Variants in RNASET2 observed in about 807,000 individuals in gnomAD.
RNASET2 encodes ribonuclease T2, also known as ribonuclease 6.
RNASET2 carries 28 observed loss-of-function variants against 33.9 expected under a neutral mutation model. That is an observed-to-expected ratio of 0.83 (90% confidence interval 0.61 to 1.13). The LOEUF is 1.13. Among genes scored for constraint, RNASET2 ranks in the 50% most tolerant of loss-of-function variants. The pLI is 0.00. For missense variants in RNASET2, 330 were observed against 319.9 expected, an observed-to-expected ratio of 1.03 and a Z score of -0.24; for synonymous variants, 123 against 121.0, an observed-to-expected ratio of 1.02 and a Z score of -0.11.
Position 166,929,881 on chromosome 6 carries a change from G to A in RNASET2, c.568-90C>T, listed in dbSNP as rs1044471492. 8 of 1,293,024 alleles carry A rather than the reference G, an allele frequency of 6.2e-6. No individual in the cohort carries two copies. In the African/African-American group the frequency reaches 1.2e-4, roughly 19 times the overall value. 80.1% of individuals were successfully genotyped at this position (1,293,024 alleles called of 1,614,324 possible). ...TCATGAACTTTTAGAACTTTTAGAAGATAACAAAAGCAGAGGCTCCACACC... is the reference window on the plus strand; with the variant it reads ...TCATGAACTTTTAGAACTTTTAGAAAATAACAAAAGCAGAGGCTCCACACC... On this transcript the variant is annotated intron_variant, in intron 8 of 8. Coordinates refer to ENST00000508775, the MANE Select transcript of RNASET2 (RefSeq NM_003730.6).
chr6:166,955,175 C>CCACCCACACA (rs1779077565), intron 1 of RNASET2, among the ~76,000 whole-genome samples: 1 of 131,028 alleles, frequency 7.6e-6, no homozygotes, highest in African/African-American at 3.2e-5. Flanking sequence ...TGGGCGGCTG[C>CCACCCACACA]CACACACACA....
intron 6 of RNASET2, chr6:166,934,741 A>G: frequency 6.5e-6 from 1 of 153,968 alleles, no homozygotes; most frequent in South Asian, 2.0e-4. Context: ...TATACCACAA[A>G]GCATATGTGT....
At chr6:166,951,009 C>T (rs144024559) in intron 2 of RNASET2, among the ~76,000 whole-genome samples, 43 of 152,216 alleles carry the variant, frequency 2.8e-4, no homozygotes, top group African/African-American at 8.9e-4. Flanking sequence ...CACCAAGACG[C>T]GGAGACCAGT....
chr6:166,929,612 G>C lies in RNASET2; in HGVS notation c.747C>G (p.Pro249=). 6.2e-7 allele frequency: 1 copy of C among 1,614,096 alleles called. No individual in the cohort carries two copies. The highest frequency in any genetic ancestry group is 1.3e-5 in the African/African-American group (1 of 74,996). Residue 249 remains proline, a synonymous_variant, in exon 9 of 9, where the codon CCC becomes CCG. Coordinates refer to ENST00000508775, the MANE Select transcript of RNASET2 (RefSeq NM_003730.6). ...ATCAATGCTTGGTCTTTTTAGGTGGGGGATAGAAGACTGGGCCATCTTCAC... is the reference window on the plus strand; with the variant it reads ...ATCAATGCTTGGTCTTTTTAGGTGGCGGATAGAAGACTGGGCCATCTTCAC... ...RVCEDGPVFY[P]PPKKTKH is the part of the protein sequence containing the mutation.
intron 2 of RNASET2, among the ~76,000 whole-genome samples, chr6:166,949,846 C>T (rs1168799901): frequency 6.6e-6 from 1 of 152,194 alleles, no homozygotes; most frequent in African/African-American, 2.4e-5. Context: ...GAGCCCAGAA[C>T]ACTGAGAACC....
intron 5 of RNASET2, 89 bp downstream of exon 5, chr6:166,942,930 C>T (rs1583225151): frequency 2.9e-6 from 3 of 1,034,198 alleles, no homozygotes; most frequent in Non-Finnish European, 4.5e-6. Flanking sequence ...TATCTTGCTT[C>T]CCACACAGTT....
At chr6:166,943,390 T>C in intron 4 of RNASET2, 1 of 363,870 alleles carries the variant, frequency 2.7e-6, no homozygotes, top group South Asian at 2.2e-5. Flanking sequence ...CGTCGAGTCA[T>C]GAAAAGACAC....
At chr6:166,938,575 T>A (rs888314640) in intron 6 of RNASET2, 1 of 609,756 alleles carries the variant, frequency 1.6e-6, no homozygotes, top group Non-Finnish European at 3.2e-6. Context: ...CTATCCTTTA[T>A]CAGGAATCAT....
At chr6:166,945,596 C>T (rs777730096) in intron 4 of RNASET2, among the ~76,000 whole-genome samples, 9 of 151,952 alleles carry the variant, frequency 5.9e-5, no homozygotes, top group Non-Finnish European at 7.4e-5. Flanking sequence ...TTTGGGAGGC[C>T]GAGGCAGGTG....
rs1778286134 is a variant in RNASET2 at position 166,925,175 on chromosome 6, AGCCCTCACTCCTGCCG to A, written c.*4397_*4412del. 6.6e-6 allele frequency among the ~76,000 whole-genome samples: 1 copy of A among 151,328 alleles called. No individual in the cohort carries two copies. Among genetic ancestry groups the A allele is most frequent in the African/African-American group, 2.4e-5 (1 of 40,944 alleles). ...CATCCAGCCCTCACTCCTGCCGCCC[AGCCCTCACTCCTGCCG>A]CCCAGCCCTCACCTCTGCTGTCCAG... On this transcript the variant is annotated 3_prime_UTR_variant, in exon 9 of 9. Transcript: ENST00000508775.
intron 5 of RNASET2, among the ~76,000 whole-genome samples, chr6:166,942,386 C>A (rs540912345): frequency 6.6e-6 from 1 of 152,202 alleles, no homozygotes; most frequent in Non-Finnish European, 1.5e-5. Flanking sequence ...GACAGGAGCA[C>A]AATTTCCTTA....
Position 166,933,818 on chromosome 6 carries a change from T to A in RNASET2, c.492+273A>T. ...GAATGTGACTCTTGAAACTGCAGAT[T>A]CCACCTGCTCTGCCGGACCCTGGAG... On this transcript the variant is annotated intron_variant, in intron 7 of 8. Coordinates refer to ENST00000508775, the MANE Select transcript of RNASET2 (RefSeq NM_003730.6). This position sits in a 1 kb window ranked among gnomAD's most constrained non-coding sequence, Gnocchi z 4.1. The A allele has an allele frequency of 1.9e-6, 1 of 528,014 alleles. No homozygotes were observed. The highest frequency in any genetic ancestry group is 1.9e-5 in the African/African-American group (1 of 52,858). The allele number at this position is 528,014 out of a possible 1,614,324, so 32.7% of individuals were successfully genotyped here. A position where few individuals can be genotyped will look rare whatever the true frequency, so the allele number is the denominator to read the frequency against.
At chr6:166,931,246 C>T in intron 7 of RNASET2, 128 bp from the exon 8 acceptor site, 1 of 754,678 alleles carries the variant, frequency 1.3e-6, no homozygotes. Context: ...GGACCCAGCA[C>T]AGGTGTGAGA....
At chr6:166,947,939 C>A (rs1778887539) in intron 3 of RNASET2, among the ~76,000 whole-genome samples, 1 of 152,128 alleles carries the variant, frequency 6.6e-6, no homozygotes, top group South Asian at 2.1e-4. Flanking sequence ...ACGAGACGTG[C>A]ATTTATGTAT....
At chr6:166,953,424 C>T (rs779507618) in intron 1 of RNASET2, 3 of 152,206 alleles carry the variant, frequency 2.0e-5, no homozygotes, top group Non-Finnish European at 2.9e-5. Context: ...GCAGACACTT[C>T]AGGATAAATC....
rs540934446 is a variant in RNASET2 at position 166,927,083 on chromosome 6, G to A, written c.*2505C>T. Among the ~76,000 whole-genome samples the A allele has an allele frequency of 1.9e-4, 29 of 152,210 alleles. No homozygotes were observed. The highest frequency in any genetic ancestry group is 2.6e-4 in the Non-Finnish European group (18 of 68,044). ...TCAGTCACCTCCGCCCAGTTACAGCGAGAACCGTGTGGTCAGAGTTGCATC... is the reference window on the plus strand; with the variant it reads ...TCAGTCACCTCCGCCCAGTTACAGCAAGAACCGTGTGGTCAGAGTTGCATC... On this transcript the variant is annotated 3_prime_UTR_variant, in exon 9 of 9. Coordinates refer to ENST00000508775, the MANE Select transcript of RNASET2 (RefSeq NM_003730.6).
chr6:166,946,705 G>T lies in RNASET2; in HGVS notation c.238C>A (p.Pro80Thr). The change falls in exon 4 of 9, where the codon CCC (proline) becomes ACC (threonine). Residue 80 changes from proline to threonine, a missense_variant. Pro to Thr is a conservative substitution (Grantham distance 38). Transcript: ENST00000508775. Reference sequence around the variant, plus strand: ...ACCTTAATCTCTTCTAAATTGAAGGGCCACGATCTATTACATCCTTCACTT... The same window carrying T: ...ACCTTAATCTCTTCTAAATTGAAGGTCCACGATCTATTACATCCTTCACTT... ...DKSEGCNRSWPFNLEEIKDLL... is the reference protein window; with the variant it reads ...DKSEGCNRSWTFNLEEIKDLL... 1.3e-6 allele frequency: 2 copies of T among 1,564,656 alleles called. No homozygotes were observed. Among genetic ancestry groups the T allele is most frequent in the Non-Finnish European group, 8.7e-7 (1 of 1,145,228 alleles).
chr6:166,933,255 C>G lies in RNASET2; in HGVS notation c.492+836G>C, dbSNP rs915628061. On this transcript the variant is annotated intron_variant, in intron 7 of 8. Transcript: ENST00000508775. The surrounding 1 kb of genome is among the most constrained non-coding windows in gnomAD (Gnocchi z 4.1). ...ATCCCGGGATTTGTGGATGACACAT[C>G]GGTCCCTACTGCAGCTACACCATGG... 1.3e-5 allele frequency: 2 copies of G among 152,216 alleles called. No homozygotes were observed. Among genetic ancestry groups the G allele is most frequent in the Admixed American group, 6.5e-5 (1 of 15,282 alleles). The allele number at this position is 152,216 out of a possible 1,614,324, so 9.4% of individuals were successfully genotyped here.
At chr6:166,932,635 A>T (rs1041415453) in intron 7 of RNASET2, 1 of 152,234 alleles carries the variant, frequency 6.6e-6, no homozygotes, top group Non-Finnish European at 1.5e-5. Flanking sequence ...AAAAGCAACA[A>T]ATTTCTCCTG....
Sources: allele counts gnomAD v4.1 joint callset (sites outside exome capture counted in the v4.1 genomes callset), GRCh38; gene constraint gnomAD v4.1.1; non-coding constraint Gnocchi (gnomAD v3.1); transcripts MANE v1.5; gene names NCBI Gene and HGNC (gene_info 2026-07-23, HGNC 2026-07-21).